Variants in MARCHF1 observed in about 807,000 individuals in gnomAD.
MARCHF1 encodes the protein E3 ubiquitin-protein ligase MARCHF1.
Under a neutral mutation model 54.2 loss-of-function variants are expected in MARCHF1, and 40 were observed. The observed-to-expected ratio is 0.74, with a 90% CI of 0.57 to 0.96. MARCHF1 has a LOEUF of 0.96. Among genes scored for constraint, MARCHF1 ranks in the 40% least tolerant of loss-of-function variants. The pLI, the probability that MARCHF1 is intolerant of heterozygous loss-of-function variation, is 0.00. For missense variants in MARCHF1, 586 were observed against 656.5 expected, an observed-to-expected ratio of 0.89 and a Z score of 1.17; for synonymous variants, 236 against 236.3, an observed-to-expected ratio of 1.00 and a Z score of 0.01.
At chr4:164,328,341 T>C (rs1346220849) in intron 1 of MARCHF1, among the ~76,000 whole-genome samples, 1 of 152,128 alleles carries the variant, frequency 6.6e-6, no homozygotes, top group Non-Finnish European at 1.5e-5. Flanking sequence ...TCTACAACTG[T>C]ATATCAAAAA....
intron 1 of MARCHF1, among the ~76,000 whole-genome samples, chr4:164,249,068 T>C (rs1417908766): frequency 6.6e-6 from 1 of 152,142 alleles, no homozygotes; most frequent in Admixed American, 6.6e-5. Context: ...TCATATCTAT[T>C]TATTTATTCA....
chr4:164,322,202 T>C (rs745336954), intron 1 of MARCHF1, among the ~76,000 whole-genome samples: 1 of 152,044 alleles, frequency 6.6e-6, no homozygotes, highest in African/African-American at 2.4e-5. Context: ...ATTGATTAGA[T>C]GATAAAAACT....
chr4:163,620,845 C>A (rs1485109848), intron 5 of MARCHF1, among the ~76,000 whole-genome samples: 1 of 152,112 alleles, frequency 6.6e-6, no homozygotes, highest in African/African-American at 2.4e-5. Context: ...CATTGGAAAC[C>A]TTTATTTCTC....
intron 1 of MARCHF1, among the ~76,000 whole-genome samples, chr4:164,338,977 A>T (rs12506258): frequency 1.3e-4 from 20 of 152,312 alleles, no homozygotes; most frequent in Admixed American, 9.2e-4. Context: ...CATCTCAAAA[A>T]AAATAAATAA....
chr4:164,143,935 G>A (rs1486440930), intron 1 of MARCHF1, among the ~76,000 whole-genome samples: 12 of 152,194 alleles, frequency 7.9e-5, no homozygotes, highest in Non-Finnish European at 1.0e-4. Flanking sequence ...CCCATCTCAC[G>A]TGCAGAGACA....
At chr4:163,772,917 T>C (rs1747201930) in intron 4 of MARCHF1, among the ~76,000 whole-genome samples, 1 of 152,104 alleles carries the variant, frequency 6.6e-6, no homozygotes, top group Non-Finnish European at 1.5e-5. Context: ...CCCTGTAGTA[T>C]ATGGAAGGAG....
At chr4:164,281,584 G>C (rs1211596308) in intron 1 of MARCHF1, among the ~76,000 whole-genome samples, 2 of 152,148 alleles carry the variant, frequency 1.3e-5, no homozygotes, top group Non-Finnish European at 2.9e-5. Flanking sequence ...ACAGACCAGA[G>C]GCAAGAGAGA....
chr4:164,200,544 G>A (rs1731424266), intron 1 of MARCHF1, among the ~76,000 whole-genome samples: 1 of 151,546 alleles, frequency 6.6e-6, no homozygotes, highest in Non-Finnish European at 1.5e-5. Flanking sequence ...ATGGCCTTCT[G>A]TCTAACACAC....
intron 8 of MARCHF1, among the ~76,000 whole-genome samples, chr4:163,563,132 A>G (rs1345976991): frequency 6.6e-6 from 1 of 152,234 alleles, no homozygotes; most frequent in Non-Finnish European, 1.5e-5. Context: ...CCTTCTGGAT[A>G]AAGTTGAAAT....
At chr4:163,849,312 A>G (rs1327791362) in intron 4 of MARCHF1, among the ~76,000 whole-genome samples, 1 of 151,968 alleles carries the variant, frequency 6.6e-6, no homozygotes, top group Non-Finnish European at 1.5e-5. Flanking sequence ...AAAAATGAGA[A>G]TATTTGTAAA....
At chr4:163,564,929 C>A (rs1004318282) in intron 8 of MARCHF1, among the ~76,000 whole-genome samples, 4 of 151,918 alleles carry the variant, frequency 2.6e-5, no homozygotes, top group Middle Eastern at 3.4e-3. Flanking sequence ...GTCATAGAGT[C>A]TCACAGAATT....
At chr4:163,842,493 A>T (rs1344362083) in intron 4 of MARCHF1, among the ~76,000 whole-genome samples, 1 of 151,980 alleles carries the variant, frequency 6.6e-6, no homozygotes, top group Non-Finnish European at 1.5e-5. Context: ...ACCTGAGCAT[A>T]TTTTTTTGCA....
At chr4:163,937,725 A>G (rs1349992094) in intron 3 of MARCHF1, among the ~76,000 whole-genome samples, 1 of 152,166 alleles carries the variant, frequency 6.6e-6, no homozygotes, top group African/African-American at 2.4e-5. Flanking sequence ...CAATGGCAAG[A>G]GAAGCACAAA....
intron 4 of MARCHF1, among the ~76,000 whole-genome samples, chr4:163,731,372 A>G (rs1745824679): frequency 6.6e-6 from 1 of 152,240 alleles, no homozygotes; most frequent in African/African-American, 2.4e-5. Context: ...ACAAAATATA[A>G]GACACAATGG....
At chr4:163,698,997 CAT>C (rs1195907102) in intron 5 of MARCHF1, among the ~76,000 whole-genome samples, 1 of 152,068 alleles carries the variant, frequency 6.6e-6, no homozygotes, top group East Asian at 1.9e-4. Context: ...ATCCTTATGT[CAT>C]AAAAGAGGCA....
intron 1 of MARCHF1, among the ~76,000 whole-genome samples, chr4:164,367,358 T>C (rs1730906030): frequency 6.6e-6 from 1 of 152,122 alleles, no homozygotes; most frequent in African/African-American, 2.4e-5. Flanking sequence ...ATTCCTTCTA[T>C]TGCTTTACTA....
chr4:164,290,596 C>T (rs1431980577), intron 1 of MARCHF1, among the ~76,000 whole-genome samples: 1 of 151,808 alleles, frequency 6.6e-6, no homozygotes, highest in African/African-American at 2.4e-5. Context: ...TAATTACTTA[C>T]CTAATTCATT....
intron 1 of MARCHF1, among the ~76,000 whole-genome samples, chr4:164,324,984 C>A (rs1253338780): frequency 6.6e-6 from 1 of 151,104 alleles, no homozygotes; most frequent in East Asian, 1.9e-4. Context: ...CCAAGAATAA[C>A]CAAGAATAGC....
intron 5 of MARCHF1, among the ~76,000 whole-genome samples, chr4:163,697,299 T>C (rs945992523): frequency 4.6e-5 from 7 of 152,158 alleles, no homozygotes; most frequent in African/African-American, 1.7e-4. Context: ...GCACAGTGAA[T>C]CATCCTTAAC....
Sources: gnomAD v4.1 joint callset for allele counts (sites outside exome capture counted in the v4.1 genomes callset) on GRCh38, gnomAD v4.1.1 for gene constraint, MANE v1.5 for transcripts, NCBI Gene and HGNC (gene_info 2026-07-23, HGNC 2026-07-21) for gene names.